The following AOPEP variants were observed in gnomAD, a reference collection of about 807,000 sequenced individuals.
The protein encoded by AOPEP is aminopeptidase O (putative), also known as aminopeptidase O.
AOPEP carries 77 observed loss-of-function variants against 98.1 expected under a neutral mutation model. That is an observed-to-expected ratio of 0.78 (90% CI 0.65 to 0.95). The LOEUF (loss-of-function observed/expected upper bound fraction) is 0.95, where lower values mean the gene tolerates loss of function less well. AOPEP is among the 40% of genes least tolerant of loss of function. The pLI is 0.00. For missense variants in AOPEP, 1,024 were observed against 1,024.7 expected, an observed-to-expected ratio of 1.00 and a Z score of 0.01; for synonymous variants, 346 against 365.3, an observed-to-expected ratio of 0.95 and a Z score of 0.60.
At chr9:94,827,623 ACCG>A (rs994642433) in intron 5 of AOPEP, among the ~76,000 whole-genome samples, 41 of 152,308 alleles carry the variant, frequency 2.7e-4, no homozygotes, top group African/African-American at 9.4e-4. Flanking sequence ...AGAGGCTCCT[ACCG>A]CATGTTTTCA....
chr9:94,777,303 G>C (rs1842326085), intron 3 of AOPEP, among the ~76,000 whole-genome samples: 1 of 151,968 alleles, frequency 6.6e-6, no homozygotes, highest in African/African-American at 2.4e-5. Flanking sequence ...GTGGTGGTGG[G>C]TGCCCGTAGT....
At position 95,080,714 on chromosome 9, in the gene AOPEP, A is replaced by C. The variant is rs1441812304; in HGVS notation, c.2253A>C (p.Glu751Asp). The C allele has an allele frequency of 6.2e-7, 1 of 1,613,774 alleles. No homozygotes were observed. The highest frequency in any genetic ancestry group is 1.1e-5 in the South Asian group (1 of 91,058). ...QDAEVRHRWC[E>D]LIVKHKFTKA... is the part of the protein sequence containing the mutation. ...TCCAGGTTCGCCATCGGTGGTGTGA[A>C]CTCATTGTTAAGCACAAGTTCACGA... is the stretch of plus-strand genomic sequence containing the variant. The change falls in exon 15 of 17, where the codon GAA becomes GAC. Residue 751 changes from glutamate (E) to aspartate (D), a missense_variant. Glu to Asp is a conservative substitution (Grantham distance 45, BLOSUM62 2). Around this residue, in one of 3 missense-constraint regions of AOPEP, gnomAD observed 566 missense variants for 551.7 expected, o/e 1.03. Coordinates refer to ENST00000375315, the MANE Select transcript of AOPEP (RefSeq NM_001193329.3).
At chr9:94,854,197 A>T (rs1402943634) in intron 5 of AOPEP, among the ~76,000 whole-genome samples, 2 of 152,222 alleles carry the variant, frequency 1.3e-5, no homozygotes, top group African/African-American at 4.8e-5. Flanking sequence ...TTTTATTTTC[A>T]GAGAGCAGGT....
intron 5 of AOPEP, among the ~76,000 whole-genome samples, chr9:94,802,910 C>G (rs1370618338): frequency 1.3e-5 from 2 of 152,126 alleles, no homozygotes; most frequent in African/African-American, 4.8e-5. Flanking sequence ...CAAACTCTGG[C>G]TTCAATTGAT....
intron 5 of AOPEP, among the ~76,000 whole-genome samples, chr9:94,915,454 C>T (rs2052663316): frequency 6.6e-6 from 1 of 152,172 alleles, no homozygotes; most frequent in Admixed American, 6.5e-5. Flanking sequence ...CTTGTTCCTA[C>T]CCAGAGTTAC....
At chr9:95,074,745 G>A (rs1267960653) in intron 14 of AOPEP, among the ~76,000 whole-genome samples, 1 of 152,328 alleles carries the variant, frequency 6.6e-6, no homozygotes, top group East Asian at 1.9e-4. Context: ...TGCGAGAGCT[G>A]TGCTGATTTA....
At chr9:94,771,966 T>C (rs1840990068) in intron 2 of AOPEP, among the ~76,000 whole-genome samples, 2 of 152,198 alleles carry the variant, frequency 1.3e-5, no homozygotes, top group Non-Finnish European at 2.9e-5. Context: ...CTCTTTTCCA[T>C]ACTAGACCCT....
chr9:94,906,348 C>A (rs1287320532), intron 5 of AOPEP, among the ~76,000 whole-genome samples: 1 of 151,604 alleles, frequency 6.6e-6, no homozygotes, highest in Non-Finnish European at 1.5e-5. Context: ...TGCCTGTAGT[C>A]CCAGCTACTC....
At chr9:94,802,647 A>G (rs945941049) in intron 5 of AOPEP, among the ~76,000 whole-genome samples, 1 of 152,224 alleles carries the variant, frequency 6.6e-6, no homozygotes, top group Non-Finnish European at 1.5e-5. Context: ...TTTGAAAAAT[A>G]TGGTGGTGAT....
chr9:94,837,864 C>G (rs1487464131), intron 5 of AOPEP, among the ~76,000 whole-genome samples: 1 of 152,098 alleles, frequency 6.6e-6, no homozygotes, highest in Non-Finnish European at 1.5e-5. Context: ...ATAAGGATGC[C>G]CACTCTCACC....
At chr9:94,728,239 G>GCGCGCGCGCGCACA (rs113657409) in intron 1 of AOPEP, among the ~76,000 whole-genome samples, 6 of 146,512 alleles carry the variant, frequency 4.1e-5, no homozygotes, top group Non-Finnish European at 1.5e-5. Context: ...GTGCGCGCAT[G>GCGCGCGCGCGCACA]CACACACACA....
the AOPEP span, chr9:95,113,906 G>C: frequency 6.5e-6 from 1 of 153,496 alleles, no homozygotes. Context: ...ACAGGTGTGA[G>C]CCACCGCGCC....
At chr9:94,939,200 A>AT (rs2056704992) in intron 7 of AOPEP, among the ~76,000 whole-genome samples, 2 of 151,546 alleles carry the variant, frequency 1.3e-5, no homozygotes, top group South Asian at 4.2e-4. Flanking sequence ...GTGAGCCGAG[A>AT]TCATGCCACT....
At chr9:95,123,843 C>G in the AOPEP span, 8 of 639,102 alleles carry the variant, frequency 1.3e-5, no homozygotes, top group South Asian at 5.6e-5. Context: ...GATGCTGCCC[C>G]ACAACCCCCA....
chr9:94,729,619 G>T (rs978986766), intron 1 of AOPEP, among the ~76,000 whole-genome samples: 2 of 151,960 alleles, frequency 1.3e-5, no homozygotes, highest in Admixed American at 1.3e-4. Flanking sequence ...ATAGAGCAGG[G>T]AGTCTCTACT....
intron 3 of AOPEP, among the ~76,000 whole-genome samples, chr9:94,776,553 C>T (rs990315513): frequency 2.6e-5 from 4 of 152,224 alleles, no homozygotes; most frequent in African/African-American, 7.2e-5. Flanking sequence ...CCACTCGCCT[C>T]GGCCTCCCAA....
At chr9:95,085,167 C>T (rs748067336) in intron 16 of AOPEP, 3 of 445,494 alleles carry the variant, frequency 6.7e-6, no homozygotes, top group Admixed American at 4.9e-5. Context: ...CGTCCTTCCG[C>T]GGAAGCCCAG....
chr9:94,731,790 C>CTTTTTTTTTTTTT (rs564831468), intron 1 of AOPEP, among the ~76,000 whole-genome samples: 2 of 86,290 alleles, frequency 2.3e-5, no homozygotes, highest in African/African-American at 5.2e-5. Context: ...TCTCTTTTGC[C>CTTTTTTTTTTTTT]TTTTTTTTTT....
intron 13 of AOPEP, among the ~76,000 whole-genome samples, chr9:95,037,404 T>A (rs2064924396): frequency 6.6e-6 from 1 of 152,214 alleles, no homozygotes; most frequent in African/African-American, 2.4e-5. Context: ...CTTAAAGTTG[T>A]TGTCAAAAGT....
Sources: allele counts gnomAD v4.1 joint callset (sites outside exome capture counted in the v4.1 genomes callset), GRCh38; gene constraint gnomAD v4.1.1; regional missense constraint gnomAD v4.1.1; transcripts MANE v1.5; gene names NCBI Gene and HGNC (gene_info 2026-07-23, HGNC 2026-07-21).